Variants in TMC7 observed in about 807,000 individuals in gnomAD.
The protein encoded by TMC7 is transmembrane channel like 7.
In TMC7, 54 loss-of-function variants were observed where a neutral mutation model predicts 82.9. The observed-to-expected ratio is 0.65, with a 90% CI of 0.52 to 0.82. The LOEUF is 0.82. Ranked by LOEUF, TMC7 falls within the 40% of genes least tolerant of loss-of-function variation. The pLI is 0.00. For missense variants in TMC7, 820 were observed against 901.2 expected (o/e 0.91, Z 1.15); for synonymous variants, 350 against 337.9 (o/e 1.04, Z -0.39).
chr16:19,011,086 G>T (rs1036015607), intron 2 of TMC7, among the ~76,000 whole-genome samples: 3 of 152,180 alleles, frequency 2.0e-5, no homozygotes, highest in Admixed American at 6.5e-5. Context: ...GTAATCGGGA[G>T]TTTTGGGAGT....
rs1555512228 is a variant in TMC7 at position 18,985,266 on chromosome 16, A to AAT, written c.67+1137_67+1138insTA. On this transcript the variant is annotated intron_variant, in intron 1 of 15. Coordinates refer to ENST00000304381, the MANE Select transcript of TMC7 (RefSeq NM_024847.4). ...AGACCAAGACTGTTTCAAAAAAAAA[A>AAT]AAAGAAACCAAGGATATAGAATAAA... Among the ~76,000 whole-genome samples, 133 of 152,132 alleles carry AAT rather than the reference A, an allele frequency of 8.7e-4. 1 individual carries two copies. The highest frequency in any genetic ancestry group is 3.1e-3 in the African/African-American group (127 of 41,540).
chr16:18,986,545 ACT>A (rs901816541), intron 1 of TMC7, among the ~76,000 whole-genome samples: 7 of 151,824 alleles, frequency 4.6e-5, no homozygotes, highest in African/African-American at 1.5e-4. Flanking sequence ...ACAGAGCTAG[ACT>A]CTGTCTCAAA....
At chr16:19,029,428 G>C (rs953003728) in intron 5 of TMC7, among the ~76,000 whole-genome samples, 1 of 152,030 alleles carries the variant, frequency 6.6e-6, no homozygotes, top group African/African-American at 2.4e-5. Flanking sequence ...TTCTTTCAGA[G>C]ACAGGGTCTT....
chr16:19,025,384 C>T (rs917190848), intron 5 of TMC7, among the ~76,000 whole-genome samples: 10 of 152,192 alleles, frequency 6.6e-5, no homozygotes, highest in African/African-American at 2.4e-4. Flanking sequence ...TCAGAGAGGC[C>T]AAGGCGGGCA....
chr16:19,041,275 G>A (rs1961001187), intron 9 of TMC7, among the ~76,000 whole-genome samples: 1 of 151,966 alleles, frequency 6.6e-6, no homozygotes, highest in African/African-American at 2.4e-5. Flanking sequence ...CCAGCATTTT[G>A]CTAATCTCGT....
Position 18,984,289 on chromosome 16 carries a change from C to T in TMC7, c.67+159C>T, listed in dbSNP as rs866142017. On this transcript the variant is annotated intron_variant, in intron 1 of 15. Transcript: ENST00000304381. The stretch of plus-strand genomic sequence containing the variant: ...GAACAGCAGGTGGGAAGGAGATCTT[C>T]CTTATTCCTGCTCCCTCCACAAACG... The T allele has an allele frequency of 7.5e-6, 10 of 1,334,160 alleles. No homozygotes were observed. The Middle Eastern group carries it at 8.5e-4, about 114-fold the overall frequency. 82.6% of individuals were successfully genotyped at this position (1,334,160 alleles called of 1,614,324 possible).
At chr16:19,049,645 G>C (rs568792998) in intron 12 of TMC7, 1 of 985,334 alleles carries the variant, frequency 1.0e-6, no homozygotes, top group African/African-American at 1.7e-5. Context: ...GCAGTGTGTA[G>C]CATAGTACAG....
chr16:19,002,636 G>A (rs2142151576), intron 1 of TMC7, among the ~76,000 whole-genome samples: 1 of 152,276 alleles, frequency 6.6e-6, no homozygotes, highest in African/African-American at 2.4e-5. Context: ...AATTGGCTAT[G>A]CCTGGCCCTG....
intron 1 of TMC7, 98 bp downstream of exon 1, chr16:18,984,228 C>T (rs1282467288): frequency 2.2e-6 from 3 of 1,359,692 alleles, no homozygotes; most frequent in African/African-American, 1.5e-5. Context: ...CCGCTGTTCC[C>T]TCCCACCCCC....
In TMC7 at chr16:19,056,629, C is replaced by A; in HGVS notation, c.1959C>A (p.Ser653Arg). The change falls in exon 14 of 16, where the codon AGC (serine) becomes AGA (arginine). Residue 653 changes from serine to arginine, a missense_variant. Physicochemically the swap from Ser to Arg is moderately radical, Grantham distance 110. Around this residue, in one of 2 missense-constraint regions of TMC7, gnomAD observed 170 missense variants for 231.3 expected, o/e 0.74. Coordinates refer to ENST00000304381, the MANE Select transcript of TMC7 (RefSeq NM_024847.4). Reference sequence around the variant, plus strand: ...CCAAGACGGTGAGCACCTTCCCCAGCTCGCTGCAGTCCTTCATCCATGGTG... The same window carrying A: ...CCAAGACGGTGAGCACCTTCCCCAGATCGCTGCAGTCCTTCATCCATGGTG... ...VIPKTVSTFP[S>R]SLQSFIHGVT... 1 of 1,614,116 alleles carries A rather than the reference C, an allele frequency of 6.2e-7. No homozygotes were observed. The highest frequency in any genetic ancestry group is 8.5e-7 in the Non-Finnish European group (1 of 1,180,012).
intron 12 of TMC7, chr16:19,049,516 C>A: frequency 3.5e-6 from 2 of 570,694 alleles, no homozygotes; most frequent in Non-Finnish European, 4.4e-6. Context: ...GAAGAATGTT[C>A]TGATGCTTTC....
At chr16:19,020,891 A>AATGC (rs1424288105) in intron 3 of TMC7, among the ~76,000 whole-genome samples, 2 of 151,532 alleles carry the variant, frequency 1.3e-5, no homozygotes, top group African/African-American at 4.8e-5. Context: ...TAAATAAATA[A>AATGC]AAGCCAGATA....
At chr16:19,005,056 T>TTTA (rs1555513953) in intron 1 of TMC7, among the ~76,000 whole-genome samples, 11 of 144,144 alleles carry the variant, frequency 7.6e-5, no homozygotes, top group Admixed American at 5.6e-4. Flanking sequence ...AAATACTTTA[T>TTTA]TTTATTTATT....
intron 5 of TMC7, 62 bp from the exon 6 acceptor site, chr16:19,030,162 A>G: frequency 1.3e-6 from 2 of 1,532,996 alleles, no homozygotes; most frequent in African/African-American, 1.4e-5. Flanking sequence ...GGCAGGGACT[A>G]CTCTTCTGGT....
chr16:19,020,517 C>T (rs1262684036), intron 3 of TMC7, among the ~76,000 whole-genome samples: 2 of 151,924 alleles, frequency 1.3e-5, no homozygotes, highest in Non-Finnish European at 2.9e-5. Context: ...TTTCCATGTA[C>T]CAACAACAAA....
chr16:19,059,416 C>T lies in TMC7; in HGVS notation c.2028C>T (p.Cys676=). Residue 676 remains cysteine, a splice_region_variant and synonymous_variant, in exon 15 of 16, where the codon TGC becomes TGT. Transcript: ENST00000304381. ...AFAVPFFMII[C]LIMFYFIALA... ...GTGACCTGTCTGTCTTGTGTTGCAG[C>T]CTCATCATGTTTTACTTCATTGCCT... 1.2e-6 allele frequency: 2 copies of T among 1,613,126 alleles called. No individual in the cohort carries two copies. Among genetic ancestry groups the T allele is most frequent in the Non-Finnish European group, 1.7e-6 (2 of 1,179,546 alleles).
chr16:19,016,989 G>A (rs1959725181), intron 3 of TMC7, among the ~76,000 whole-genome samples: 1 of 152,138 alleles, frequency 6.6e-6, no homozygotes, highest in Non-Finnish European at 1.5e-5. Context: ...TTTGAGACCA[G>A]CCTGGACAAC....
intron 2 of TMC7, among the ~76,000 whole-genome samples, chr16:19,011,791 C>T (rs1357468872): frequency 1.3e-5 from 2 of 152,056 alleles, no homozygotes; most frequent in African/African-American, 4.8e-5. Flanking sequence ...AATACATTAT[C>T]TTTGGTTTTA....
chr16:19,051,719 A>G lies in TMC7; in HGVS notation c.1774A>G (p.Arg592Gly). The G allele has an allele frequency of 6.2e-7, 1 of 1,613,990 alleles. No individual in the cohort carries two copies. The highest frequency in any genetic ancestry group is 8.5e-7 in the Non-Finnish European group (1 of 1,180,000). ...SLLYTCRPSPRPFRASNSNFF... is the reference protein window; with the variant it reads ...SLLYTCRPSPGPFRASNSNFF... ...GCTTTACACCTGCAGACCCTCCCCC[A>G]GGCCGTTCAGAGCATCCAATTCTAA... Residue 592 changes from arginine to glycine, a missense_variant, in exon 13 of 16, where the codon AGG becomes GGG. Arg to Gly is a moderately radical substitution (Grantham distance 125). Transcript: ENST00000304381.
Sources: allele counts gnomAD v4.1 joint callset (sites outside exome capture counted in the v4.1 genomes callset), GRCh38; gene constraint gnomAD v4.1.1; regional missense constraint gnomAD v4.1.1; transcripts MANE v1.5; gene names NCBI Gene and HGNC (gene_info 2026-07-23, HGNC 2026-07-21).